WDR48: variants seen among roughly 807,000 people sequenced by gnomAD.
The protein encoded by WDR48 is WD repeat domain 48.
In WDR48, 22 loss-of-function variants were observed where a neutral mutation model predicts 94.0. The ratio of observed to expected loss-of-function variants is 0.23; its 90% confidence interval spans 0.17 to 0.33. The LOEUF (loss-of-function observed/expected upper bound fraction) is 0.33. Among genes scored for constraint, WDR48 ranks in the 10% least tolerant of loss-of-function variants. The probability of loss-of-function intolerance (pLI) is 1.00; values close to 1 mark genes in which losing one functional copy is unlikely to be tolerated. For missense variants in WDR48, 541 were observed against 813.8 expected (o/e 0.66, Z 4.08); for synonymous variants, 278 against 280.5 (o/e 0.99, Z 0.09).
intron 17 of WDR48, 24 bp from the exon 18 acceptor site, chr3:39,093,850 C>T (rs780636877): frequency 2.0e-6 from 3 of 1,510,598 alleles, no homozygotes; most frequent in Non-Finnish European, 2.7e-6. Flanking sequence ...CCTGATGTCA[C>T]AATATGCCAT....
chr3:39,064,548 T>TA (rs918370452), intron 2 of WDR48, among the ~76,000 whole-genome samples: 1 of 152,210 alleles, frequency 6.6e-6, no homozygotes, highest in African/African-American at 2.4e-5. Flanking sequence ...GTGCTGGTAT[T>TA]ACAGGCGTGA....
chr3:39,052,170 C>T (rs1022569360), intron 1 of WDR48, 97 bp downstream of exon 1: 1 of 1,478,206 alleles, frequency 6.8e-7, no homozygotes, highest in African/African-American at 1.4e-5. Flanking sequence ...GCTGGGGTAG[C>T]GGCATGGGGC....
At chr3:39,076,747 G>GT (rs1352976180) in intron 8 of WDR48, among the ~76,000 whole-genome samples, 1 of 152,148 alleles carries the variant, frequency 6.6e-6, no homozygotes, top group Non-Finnish European at 1.5e-5. Context: ...TTGTTAGGAT[G>GT]TTTTTTACTT....
chr3:39,092,876 TACACACAC>T (rs3033301), intron 17 of WDR48, among the ~76,000 whole-genome samples: 11 of 146,070 alleles, frequency 7.5e-5, no homozygotes, highest in Admixed American at 2.7e-4. Flanking sequence ...CATCTCTGTC[TACACACAC>T]ACACACACAC....
At chr3:39,088,023 T>C in intron 14 of WDR48, 105 bp from the exon 15 acceptor site, 1 of 1,080,958 alleles carries the variant, frequency 9.3e-7, no homozygotes, top group African/African-American at 1.6e-5. Context: ...TTAGAGGACA[T>C]TTGAATTTAA....
chr3:39,088,703 G>A (rs1575434591), intron 15 of WDR48, among the ~76,000 whole-genome samples: 2 of 152,136 alleles, frequency 1.3e-5, no homozygotes, highest in East Asian at 3.8e-4. Flanking sequence ...TATGTGTGGG[G>A]CCCTTCAGGG....
At position 39,063,103 on chromosome 3, in the gene WDR48, T is replaced by C. The variant is rs751606103; in HGVS notation, c.102T>C (p.Asn34=). Residue 34 remains asparagine, a synonymous_variant, in exon 2 of 19, where the codon AAT becomes AAC. Transcript: ENST00000302313. The part of the protein sequence containing the change: ...EVEKYNRNGV[N]ALQLDPALNR... ...AGAAGTACAACCGAAATGGAGTCAATGCTCTGCAGCTGGATCCAGCACTAA... is the reference window on the plus strand; with the variant it reads ...AGAAGTACAACCGAAATGGAGTCAACGCTCTGCAGCTGGATCCAGCACTAA... 1 of 1,614,142 alleles carries C rather than the reference T, an allele frequency of 6.2e-7. No individual in the cohort carries two copies. Among genetic ancestry groups the C allele is most frequent in the Non-Finnish European group, 8.5e-7 (1 of 1,179,996 alleles).
chr3:39,091,495 A>G (rs2035070383), intron 16 of WDR48, 130 bp from the exon 17 acceptor site: 1 of 703,748 alleles, frequency 1.4e-6, no homozygotes, highest in Non-Finnish European at 2.3e-6. Context: ...ATAGCTTACT[A>G]TACATTTCAT....
intron 1 of WDR48, among the ~76,000 whole-genome samples, chr3:39,057,381 G>A (rs2032961437): frequency 6.6e-6 from 1 of 152,202 alleles, no homozygotes; most frequent in Admixed American, 6.5e-5. Flanking sequence ...GTTACCTTTA[G>A]GGATGAAGAC....
intron 7 of WDR48, among the ~76,000 whole-genome samples, chr3:39,070,041 G>A (rs770165606): frequency 5.3e-5 from 8 of 152,206 alleles, no homozygotes; most frequent in Non-Finnish European, 7.3e-5. Context: ...GCAAAAGGAA[G>A]CTTTGATATC....
rs1189956056 is a variant in WDR48 at position 39,094,866 on chromosome 3, G to A, written c.*123G>A. 34 of 1,235,322 alleles carry A rather than the reference G, an allele frequency of 2.8e-5. No homozygotes were observed. Among genetic ancestry groups the A allele is most frequent in the Non-Finnish European group, 3.6e-5 (32 of 886,338 alleles). The allele number at this position is 1,235,322 out of a possible 1,614,324, so 76.5% of individuals were successfully genotyped here. A position where few individuals can be genotyped will look rare whatever the true frequency, so the allele number is the denominator to read the frequency against. On this transcript the variant is annotated 3_prime_UTR_variant, in exon 19 of 19. Coordinates refer to ENST00000302313, the MANE Select transcript of WDR48 (RefSeq NM_020839.4). Reference sequence around the variant, plus strand: ...TTCTAACGGCTGATTGGTATGGACCGAGATTATCTTTCAATTGAAGTGACT... The same window carrying A: ...TTCTAACGGCTGATTGGTATGGACCAAGATTATCTTTCAATTGAAGTGACT...
At chr3:39,078,395 T>TTTG (rs1559616403) in intron 10 of WDR48, among the ~76,000 whole-genome samples, 156 bp downstream of exon 10, 1 of 151,956 alleles carries the variant, frequency 6.6e-6, no homozygotes, top group African/African-American at 2.4e-5. Flanking sequence ...AAAGGTTTTT[T>TTTG]TTTGTTTGTT....
chr3:39,069,594 T>C (rs2033810773), intron 6 of WDR48, 49 bp from the exon 7 acceptor site: 1 of 1,461,306 alleles, frequency 6.8e-7, no homozygotes. Context: ...GTTATTTAAA[T>C]TTGATACTGA....
intron 14 of WDR48, 124 bp from the exon 15 acceptor site, chr3:39,088,004 C>T: frequency 1.2e-6 from 1 of 834,842 alleles, no homozygotes; most frequent in Non-Finnish European, 1.9e-6. Flanking sequence ...ATTTCTAACT[C>T]TGGTGGACTT....
chr3:39,078,262 A>G, intron 10 of WDR48, 23 bp downstream of exon 10: 1 of 1,533,044 alleles, frequency 6.5e-7, no homozygotes, highest in Non-Finnish European at 9.0e-7. Flanking sequence ...AAGGTACTGT[A>G]CCCCTTATTG....
intron 1 of WDR48, among the ~76,000 whole-genome samples, chr3:39,056,357 G>A (rs1304186773): frequency 6.6e-6 from 1 of 152,202 alleles, no homozygotes; most frequent in East Asian, 1.9e-4. Context: ...ACTCATTTGA[G>A]TTCAAGAAAG....
At position 39,077,126 on chromosome 3, in the gene WDR48, G is replaced by T; in HGVS notation, c.898-13G>T. 6.2e-7 allele frequency: 1 copy of T among 1,614,020 alleles called. No homozygotes were observed. The highest frequency in any genetic ancestry group is 8.5e-7 in the Non-Finnish European group (1 of 1,179,976). On this transcript the variant is annotated splice_polypyrimidine_tract_variant and intron_variant, in intron 8 of 18. Coordinates refer to ENST00000302313, the MANE Select transcript of WDR48 (RefSeq NM_020839.4). ...ACATTCCACAAAGCAATATTTTTGT[G>T]CTTTGTTTTCAGATGGAGCTTGATA...
chr3:39,063,858 G>A (rs1280848507), intron 2 of WDR48, among the ~76,000 whole-genome samples: 1 of 152,160 alleles, frequency 6.6e-6, no homozygotes, highest in Non-Finnish European at 1.5e-5. Context: ...TGAGGTGGGA[G>A]GATCACTTGA....
chr3:39,092,088 A>G (rs948411840), intron 17 of WDR48, among the ~76,000 whole-genome samples: 1 of 152,210 alleles, frequency 6.6e-6, no homozygotes, highest in Non-Finnish European at 1.5e-5. Context: ...CTAAGGCAGG[A>G]GGATCATCAG....
Sources: gnomAD v4.1 joint callset for allele counts (sites outside exome capture counted in the v4.1 genomes callset) on GRCh38, gnomAD v4.1.1 for gene constraint, MANE v1.5 for transcripts, NCBI Gene and HGNC (gene_info 2026-07-23, HGNC 2026-07-21) for gene names.